PALM2AKAP2: variants seen among roughly 807,000 people sequenced by gnomAD.
PALM2AKAP2 encodes the protein PALM2 and AKAP2 fusion, also known as PALM2-AKAP2 fusion protein.
Under a neutral mutation model 71.5 loss-of-function variants are expected in PALM2AKAP2, and 37 were observed. That is an observed-to-expected ratio of 0.52 (90% CI 0.40 to 0.68). PALM2AKAP2 has a LOEUF of 0.68. Among genes scored for constraint, PALM2AKAP2 ranks in the 30% least tolerant of loss-of-function variants. The pLI, the probability that PALM2AKAP2 is intolerant of heterozygous loss-of-function variation, is 0.00. For missense variants in PALM2AKAP2, 1,224 were observed against 1,191.8 expected (o/e 1.03, Z -0.40); for synonymous variants, 468 against 478.8 (o/e 0.98, Z 0.29).
intron 1 of PALM2AKAP2, among the ~76,000 whole-genome samples, chr9:110,087,632 C>G (rs1417659165): frequency 6.6e-6 from 1 of 152,220 alleles, no homozygotes; most frequent in Non-Finnish European, 1.5e-5. Flanking sequence ...TTTAAAAAAG[C>G]CATTTACTAA....
chr9:109,995,725 C>T (rs772275196), intron 6 of PALM2AKAP2, among the ~76,000 whole-genome samples: 1 of 152,184 alleles, frequency 6.6e-6, no homozygotes, highest in East Asian at 1.9e-4. Flanking sequence ...CCTCCCATGG[C>T]GTGGGCATTA....
At chr9:110,144,691 G>T (rs1004315042) in intron 2 of PALM2AKAP2, among the ~76,000 whole-genome samples, 3 of 152,164 alleles carry the variant, frequency 2.0e-5, no homozygotes, top group African/African-American at 7.2e-5. Context: ...TCTAAAACTT[G>T]AGAAGAAGAA....
intron 6 of PALM2AKAP2, among the ~76,000 whole-genome samples, chr9:109,979,721 G>A (rs890510546): frequency 2.0e-5 from 3 of 152,096 alleles, no homozygotes; most frequent in Non-Finnish European, 4.4e-5. Context: ...TAAAAGTAAG[G>A]GATGAGTAGG....
chr9:109,982,204 G>A (rs1832284357), intron 6 of PALM2AKAP2, among the ~76,000 whole-genome samples: 1 of 152,152 alleles, frequency 6.6e-6, no homozygotes, highest in Non-Finnish European at 1.5e-5. Context: ...GTCATAGAAA[G>A]ACAAACTTTG....
chr9:109,837,465 A>C (rs753062219), intron 1 of PALM2AKAP2, among the ~76,000 whole-genome samples: 3 of 152,254 alleles, frequency 2.0e-5, no homozygotes, highest in African/African-American at 7.2e-5. Context: ...AAGAAACTGC[A>C]TCAACTAACG....
intron 1 of PALM2AKAP2, among the ~76,000 whole-genome samples, chr9:109,697,811 G>A (rs1173429900): frequency 6.6e-6 from 1 of 152,036 alleles, no homozygotes; most frequent in African/African-American, 2.4e-5. Context: ...CTTCCAGCTG[G>A]CCCTTTTTAA....
intron 1 of PALM2AKAP2, among the ~76,000 whole-genome samples, chr9:110,058,095 G>A (rs79954082): frequency 6.6e-6 from 1 of 152,250 alleles, no homozygotes; most frequent in East Asian, 1.9e-4. Flanking sequence ...AAATATCAAT[G>A]GTGCCAATGT....
At chr9:109,691,867 TACACACACACACAC>T (rs368555887) in intron 1 of PALM2AKAP2, among the ~76,000 whole-genome samples, 582 of 51,066 alleles carry the variant, frequency 0.011, 6 homozygotes, top group African/African-American at 0.019. Flanking sequence ...TATATATATA[TACACACACACACAC>T]ATATATATAT....
At chr9:109,844,674 C>T (rs1828800963) in intron 1 of PALM2AKAP2, among the ~76,000 whole-genome samples, 2 of 152,146 alleles carry the variant, frequency 1.3e-5, no homozygotes, top group South Asian at 4.2e-4. Flanking sequence ...CACACGTGCT[C>T]TCACATGTGC....
intron 1 of PALM2AKAP2, among the ~76,000 whole-genome samples, chr9:109,834,503 G>A (rs1419774343): frequency 6.6e-6 from 1 of 152,210 alleles, no homozygotes; most frequent in African/African-American, 2.4e-5. Flanking sequence ...GGGATGTGAA[G>A]TTGTGTGGAG....
intron 1 of PALM2AKAP2, among the ~76,000 whole-genome samples, chr9:109,754,065 C>T (rs376748244): frequency 1.4e-4 from 22 of 152,272 alleles, no homozygotes; most frequent in Middle Eastern, 6.8e-3. Flanking sequence ...ATTGCTTCCT[C>T]GCTTACTGTA....
At chr9:109,825,734 G>A (rs1437770925) in intron 1 of PALM2AKAP2, among the ~76,000 whole-genome samples, 5 of 152,216 alleles carry the variant, frequency 3.3e-5, no homozygotes, top group African/African-American at 1.2e-4. Context: ...GAGAGGATGT[G>A]AAGAAATAGG....
At chr9:109,926,074 A>G (rs762252991) in intron 5 of PALM2AKAP2, among the ~76,000 whole-genome samples, 1 of 152,282 alleles carries the variant, frequency 6.6e-6, no homozygotes, top group East Asian at 1.9e-4. Flanking sequence ...TGTATTAAAA[A>G]CAAACAAAAA....
chr9:110,135,188 T>TAA (rs1588128284), intron 1 of PALM2AKAP2, among the ~76,000 whole-genome samples: 4 of 93,536 alleles, frequency 4.3e-5, no homozygotes, highest in African/African-American at 1.3e-4. Flanking sequence ...TATATATATA[T>TAA]AAATCAGCCA....
At chr9:110,136,561 C>T in exon 2 of PALM2AKAP2, 1 of 1,613,386 alleles carries the variant, frequency 6.2e-7, no homozygotes, top group African/African-American at 1.3e-5. Flanking sequence ...GAACAGCTAG[C>T]CGGCAGGCAC....
At chr9:109,789,687 T>C (rs1454964394) in intron 1 of PALM2AKAP2, among the ~76,000 whole-genome samples, 1 of 152,132 alleles carries the variant, frequency 6.6e-6, no homozygotes, top group African/African-American at 2.4e-5. Context: ...TGGCGGAGTT[T>C]GTAGAGGAAA....
intron 3 of PALM2AKAP2, among the ~76,000 whole-genome samples, chr9:109,882,202 G>A (rs962189616): frequency 6.6e-6 from 1 of 152,034 alleles, no homozygotes; most frequent in Non-Finnish European, 1.5e-5. Flanking sequence ...TTAAAATAAA[G>A]GGTAATAGCT....
intron 1 of PALM2AKAP2, among the ~76,000 whole-genome samples, chr9:109,707,487 A>G (rs1417584194): frequency 2.0e-5 from 3 of 152,158 alleles, no homozygotes; most frequent in Admixed American, 6.5e-5. Flanking sequence ...ACAACAGCCA[A>G]CTTGGTTTCC....
At chr9:110,076,746 G>A (rs1379273263) in intron 1 of PALM2AKAP2, among the ~76,000 whole-genome samples, 1 of 152,024 alleles carries the variant, frequency 6.6e-6, no homozygotes, top group African/African-American at 2.4e-5. Flanking sequence ...AGATGCATAT[G>A]GAAGACCAGC....
Sources: allele counts gnomAD v4.1 joint callset (sites outside exome capture counted in the v4.1 genomes callset), GRCh38; gene constraint gnomAD v4.1.1; transcripts MANE v1.5; gene names NCBI Gene and HGNC (gene_info 2026-07-23, HGNC 2026-07-21).